The following CNBD2 variants were observed in gnomAD, a reference collection of about 807,000 sequenced individuals.
CNBD2 encodes the protein cyclic nucleotide-binding domain-containing protein 2.
Under a neutral mutation model 63.7 loss-of-function variants are expected in CNBD2, and 64 were observed. That is an observed-to-expected ratio of 1.00 (90% CI 0.82 to 1.24). The LOEUF is 1.24. CNBD2 is among the 50% of genes most tolerant of loss of function. CNBD2 has a pLI of 0.00. For missense variants in CNBD2, 691 were observed against 713.5 expected, an observed-to-expected ratio of 0.97 and a Z score of 0.36; for synonymous variants, 229 against 255.4, an observed-to-expected ratio of 0.90 and a Z score of 0.99.
Position 35,982,871 on chromosome 20 carries a change from T to C in CNBD2, c.408-1111T>C, listed in dbSNP as rs148761486. 5.3e-3 allele frequency among the ~76,000 whole-genome samples: 811 copies of C among 151,932 alleles called. 5 individuals carry two copies. The highest frequency in any genetic ancestry group is 0.019 in the African/African-American group (784 of 41,448). On this transcript the variant is annotated intron_variant, in intron 4 of 11. Coordinates refer to ENST00000373973, the MANE Select transcript of CNBD2 (RefSeq NM_001365709.1). ...GGGACTACAGGTGTGCACCCCCACA[T>C]TTGGCTAATCTTTGCATTTTTTGTA...
rs1211357422 is a variant in CNBD2, at chr20:36,011,156, A to G, written c.1168A>G (p.Ile390Val). The G allele has an allele frequency of 1.3e-6, 2 of 1,585,164 alleles. No homozygotes were observed. The highest frequency in any genetic ancestry group is 1.7e-6 in the Non-Finnish European group (2 of 1,164,986). The change falls in exon 10 of 12, where the codon ATC (isoleucine) becomes GTC (valine). Residue 390 changes from isoleucine (I) to valine (V), a missense_variant. Ile to Val is a conservative substitution (Grantham distance 29). Transcript: ENST00000373973. Reference protein sequence around the residue: ...PKIQSRPAQSIKCAMINIKPG... With the variant: ...PKIQSRPAQSVKCAMINIKPG... ...TTTCAGATCCAGGCCTGCTCAGTCG[A>G]TCAAATGTGCCATGATCAATATCAA... is the stretch of plus-strand genomic sequence containing the variant.
intron 10 of CNBD2, among the ~76,000 whole-genome samples, chr20:36,019,889 T>C (rs1327492375): frequency 6.6e-6 from 1 of 152,190 alleles, no homozygotes; most frequent in Admixed American, 6.5e-5. Flanking sequence ...GCAGTGCTCC[T>C]GAGTGGATCC....
chr20:35,966,082 C>T (rs374702297), upstream of CNBD2, among the ~76,000 whole-genome samples: 4 of 152,158 alleles, frequency 2.6e-5, no homozygotes, highest in East Asian at 5.8e-4. Flanking sequence ...TTTCTCCAGG[C>T]CCAGTTGTTT....
intron 4 of CNBD2, among the ~76,000 whole-genome samples, chr20:35,981,238 C>T (rs1206416027): frequency 2.0e-5 from 3 of 152,034 alleles, no homozygotes; most frequent in African/African-American, 7.2e-5. Flanking sequence ...TTCCTTGGGT[C>T]CCCCTTTCCC....
chr20:35,987,306 A>T (rs998332997), intron 6 of CNBD2, 89 bp from the exon 7 acceptor site: 24 of 1,451,372 alleles, frequency 1.7e-5, no homozygotes, highest in Non-Finnish European at 2.2e-5. Flanking sequence ...CATCCTCCAC[A>T]GGAGAAGAGT....
At chr20:36,008,607 G>C in intron 9 of CNBD2, 133 bp downstream of exon 9, 1 of 850,918 alleles carries the variant, frequency 1.2e-6, no homozygotes, top group Non-Finnish European at 1.7e-6. Context: ...AAAGGATTGT[G>C]CATGAGGCAA....
At chr20:35,969,609 T>TC (rs113921824) in intron 1 of CNBD2, among the ~76,000 whole-genome samples, 4,333 of 152,290 alleles carry the variant, frequency 0.028, 226 homozygotes, top group African/African-American at 0.098. Flanking sequence ...AGTTCTTTTT[T>TC]CCCACTCAAA....
intron 8 of CNBD2, among the ~76,000 whole-genome samples, chr20:36,007,043 G>A (rs900403051): frequency 7.9e-5 from 12 of 152,130 alleles, no homozygotes; most frequent in African/African-American, 2.9e-4. Context: ...CAGAAAATTA[G>A]CTGGGCGTGG....
At chr20:35,965,714 C>A (rs1379232941), upstream of CNBD2, among the ~76,000 whole-genome samples, 1 of 152,188 alleles carries the variant, frequency 6.6e-6, no homozygotes, top group African/African-American at 2.4e-5. Flanking sequence ...CCCAGCCCAC[C>A]TCCTTGCAGA....
At chr20:36,014,193 A>G (rs986288180) in intron 10 of CNBD2, among the ~76,000 whole-genome samples, 2 of 151,544 alleles carry the variant, frequency 1.3e-5, no homozygotes, top group African/African-American at 2.4e-5. Flanking sequence ...AAAAAAAAAA[A>G]AAGGAAATAT....
intron 10 of CNBD2, among the ~76,000 whole-genome samples, chr20:36,021,341 T>TG (rs767429405): frequency 3.5e-4 from 53 of 152,326 alleles, no homozygotes; most frequent in Non-Finnish European, 6.0e-4. Flanking sequence ...CACTCATATG[T>TG]GGGACCTAAA....
chr20:35,990,302 C>T (rs6142475), intron 7 of CNBD2, among the ~76,000 whole-genome samples: 8,305 of 152,236 alleles, frequency 0.055, 317 homozygotes, highest in South Asian at 0.21. Context: ...AGCTGCTACA[C>T]TGCAAAGAGA....
At chr20:36,020,831 C>T (rs1189862096) in intron 10 of CNBD2, among the ~76,000 whole-genome samples, 1 of 152,186 alleles carries the variant, frequency 6.6e-6, no homozygotes. Context: ...CCCCAGAGAA[C>T]TCTCACATGT....
Position 35,995,054 on chromosome 20 carries a change from T to C in CNBD2, c.872T>C (p.Leu291Pro), listed in dbSNP as rs34274439. 4.0e-5 allele frequency: 64 copies of C among 1,614,070 alleles called. No individual in the cohort carries two copies. The African/African-American group carries it at 7.9e-4, about 20-fold the overall frequency. ...MFISKGSCEVLRLLDLGASPS... is the reference protein window; with the variant it reads ...MFISKGSCEVPRLLDLGASPS... ...TGTGTTCAGGGCAGCTGTGAAGTCC[T>C]GCGGCTGTTGGACCTTGGGGCCTCC... The change falls in exon 8 of 12, where the codon CTG becomes CCG. Residue 291 changes from leucine to proline, a missense_variant. Physicochemically the swap from Leu to Pro is moderately conservative, Grantham distance 98 (BLOSUM62 -3). Coordinates refer to ENST00000373973, the MANE Select transcript of CNBD2 (RefSeq NM_001365709.1).
chr20:35,991,125 G>A (rs1294410024), intron 7 of CNBD2, among the ~76,000 whole-genome samples: 1 of 152,136 alleles, frequency 6.6e-6, no homozygotes, highest in Non-Finnish European at 1.5e-5. Flanking sequence ...TGAATTTATT[G>A]GGAAGAGAAT....
At position 36,008,364 on chromosome 20, in the gene CNBD2, C is replaced by G; in HGVS notation, c.1038C>G (p.Ser346=). The G allele has an allele frequency of 6.2e-7, 1 of 1,614,032 alleles. No individual in the cohort carries two copies. The highest frequency in any genetic ancestry group is 8.5e-7 in the Non-Finnish European group (1 of 1,179,990). ...IKSYPLQDFS[S]LKLPHLKKAW... ...CATATCCTCTGCAAGACTTTAGCTC[C>G]TTGAAACTTCCACATCTCAAAAAAG... The change falls in exon 9 of 12, where the codon TCC becomes TCG. Residue 346 remains serine, a synonymous_variant. Transcript: ENST00000373973.
In CNBD2 at chr20:36,011,255, T is replaced by C. The variant is rs753862736; in HGVS notation, c.1267T>C (p.Leu423=). 5.2e-6 allele frequency: 8 copies of C among 1,552,026 alleles called. No homozygotes were observed. Among genetic ancestry groups the C allele is most frequent in the South Asian group, 1.2e-5 (1 of 81,392 alleles). Residue 423 remains leucine (L), a splice_region_variant and synonymous_variant, in exon 10 of 12, where the codon TTG becomes CTG. Coordinates refer to ENST00000373973, the MANE Select transcript of CNBD2 (RefSeq NM_001365709.1). ...KVHTVEQGEI[L]GLHQAFLPEG... is the part of the protein sequence containing the mutation. The stretch of plus-strand genomic sequence containing the variant: ...GCACACTGTGGAGCAGGGAGAAATT[T>C]TGGTGAGTGTGCCAAGAGCTCTGTT...
chr20:35,988,725 C>T (rs975819508), intron 7 of CNBD2, among the ~76,000 whole-genome samples: 1 of 152,066 alleles, frequency 6.6e-6, no homozygotes, highest in African/African-American at 2.4e-5. Flanking sequence ...TTTTATGGCT[C>T]CTGCAACAAA....
At chr20:35,994,799 G>C (rs2056800387) in intron 7 of CNBD2, among the ~76,000 whole-genome samples, 1 of 152,038 alleles carries the variant, frequency 6.6e-6, no homozygotes, top group South Asian at 2.1e-4. Context: ...TGAGGCAGGA[G>C]AATCGCTTGA....
Sources: gnomAD v4.1 joint callset for allele counts (sites outside exome capture counted in the v4.1 genomes callset) on GRCh38, gnomAD v4.1.1 for gene constraint, MANE v1.5 for transcripts, NCBI Gene and HGNC (gene_info 2026-07-23, HGNC 2026-07-21) for gene names.